The following HPSE2 variants were observed in gnomAD, a reference collection of about 807,000 sequenced individuals.
HPSE2 encodes heparanase 2 (inactive), also known as inactive heparanase-2.
In HPSE2, 38 loss-of-function variants were observed where a neutral mutation model predicts 60.5. The observed-to-expected ratio is 0.63, with a 90% confidence interval of 0.48 to 0.82. The LOEUF is 0.82. Among genes scored for constraint, HPSE2 ranks in the 40% least tolerant of loss-of-function variants. The pLI is 0.00. For synonymous variants in HPSE2, 295 were observed against 293.2 expected, an observed-to-expected ratio of 1.01 and a Z score of -0.06; for missense variants, 713 against 740.4, an observed-to-expected ratio of 0.96 and a Z score of 0.43.
At chr10:98,540,722 A>T (rs551632244) in intron 9 of HPSE2, among the ~76,000 whole-genome samples, 1 of 152,316 alleles carries the variant, frequency 6.6e-6, no homozygotes, top group African/African-American at 2.4e-5. Flanking sequence ...GAGAAGGTTA[A>T]ACAGCAAGAA....
chr10:98,643,300 A>G (rs1426014474), intron 6 of HPSE2, among the ~76,000 whole-genome samples: 1 of 152,216 alleles, frequency 6.6e-6, no homozygotes, highest in Non-Finnish European at 1.5e-5. Flanking sequence ...AGAATTAATG[A>G]GCTAACAGAT....
intron 2 of HPSE2, among the ~76,000 whole-genome samples, chr10:99,149,944 GTTC>G (rs1464764800): frequency 9.3e-5 from 14 of 151,126 alleles, no homozygotes; most frequent in Non-Finnish European, 1.9e-4. Context: ...CCCCCTGCTA[GTTC>G]TTCCCTCTTA....
intron 3 of HPSE2, among the ~76,000 whole-genome samples, chr10:99,080,211 A>T (rs988575031): frequency 8.5e-5 from 13 of 152,072 alleles, no homozygotes; most frequent in East Asian, 3.8e-4. Context: ...TGTCTTATTT[A>T]AAAAAATTCT....
chr10:99,227,288 A>G (rs1024953388), intron 2 of HPSE2, among the ~76,000 whole-genome samples: 11 of 152,248 alleles, frequency 7.2e-5, no homozygotes, highest in Non-Finnish European at 1.5e-4. Flanking sequence ...AAGATAAAAG[A>G]TATTTGAAAG....
At chr10:99,165,135 G>A (rs1029167524) in intron 2 of HPSE2, among the ~76,000 whole-genome samples, 5 of 147,434 alleles carry the variant, frequency 3.4e-5, no homozygotes, top group African/African-American at 1.0e-4. Flanking sequence ...CATTTTATCC[G>A]TAATTTCTTT....
chr10:98,799,997 G>C, intron 3 of HPSE2, among the ~76,000 whole-genome samples: 1 of 151,872 alleles, frequency 6.6e-6, no homozygotes, highest in Non-Finnish European at 1.5e-5. Flanking sequence ...ACAAAAAGTT[G>C]TTTTTTTGAA....
the HPSE2 span, among the ~76,000 whole-genome samples, chr10:99,280,253 A>T: frequency 1.3e-3 from 191 of 152,354 alleles, 2 homozygotes; most frequent in Non-Finnish European, 2.3e-3. Context: ...TTAGAGGGTC[A>T]GTGAATGAAC....
chr10:99,254,068 C>A, the HPSE2 span, among the ~76,000 whole-genome samples: 1 of 152,170 alleles, frequency 6.6e-6, no homozygotes, highest in Non-Finnish European at 1.5e-5. Context: ...ACTGGGTATA[C>A]ATCCAGAGAA....
intron 9 of HPSE2, among the ~76,000 whole-genome samples, chr10:98,608,460 G>A (rs1177224394): frequency 2.6e-5 from 4 of 152,192 alleles, no homozygotes; most frequent in Non-Finnish European, 5.9e-5. Flanking sequence ...AAAATCAGAG[G>A]AACGTCTACG....
At chr10:98,840,609 C>CA (rs1388394176) in intron 3 of HPSE2, among the ~76,000 whole-genome samples, 1 of 151,894 alleles carries the variant, frequency 6.6e-6, no homozygotes, top group Admixed American at 6.6e-5. Context: ...TGGGAAGAGA[C>CA]AAAAAATGAG....
intron 7 of HPSE2, among the ~76,000 whole-genome samples, chr10:98,636,321 C>T (rs1408143874): frequency 6.6e-6 from 1 of 151,526 alleles, no homozygotes; most frequent in African/African-American, 2.4e-5. Context: ...CTCACTGCAA[C>T]CTCCGCCTCC....
chr10:99,276,148 C>A, the HPSE2 span, among the ~76,000 whole-genome samples: 1 of 152,096 alleles, frequency 6.6e-6, no homozygotes, highest in Non-Finnish European at 1.5e-5. Context: ...ATGAATAAAA[C>A]TAATTTTTGA....
intron 9 of HPSE2, among the ~76,000 whole-genome samples, chr10:98,501,734 T>C (rs1228644872): frequency 2.6e-5 from 4 of 152,146 alleles, no homozygotes; most frequent in African/African-American, 7.2e-5. Context: ...GGCATCCAAA[T>C]TGGTAAACAG....
intron 2 of HPSE2, among the ~76,000 whole-genome samples, chr10:99,191,912 A>G (rs1034434576): frequency 5.3e-5 from 8 of 152,212 alleles, no homozygotes; most frequent in African/African-American, 1.7e-4. Context: ...ATCCTATTAG[A>G]TAAATTTAAC....
chr10:98,922,451 G>A (rs118023938), intron 3 of HPSE2, among the ~76,000 whole-genome samples: 2,327 of 152,300 alleles, frequency 0.015, 25 homozygotes, highest in Middle Eastern at 0.058. Flanking sequence ...GAAGATACGA[G>A]GGAGAACTCA....
chr10:98,629,582 C>T lies in HPSE2; in HGVS notation c.1099-8874G>A, dbSNP rs201416056. The stretch of plus-strand genomic sequence containing the variant: ...TCTGTCCTCTTCTTCCTCACTGCCC[C>T]TCCCTGAGTTCTGGATCTTGTCATT... On this transcript the variant is annotated intron_variant, in intron 7 of 11. Coordinates refer to ENST00000370552, the MANE Select transcript of HPSE2 (RefSeq NM_021828.5). Among the ~76,000 whole-genome samples, 8 of 152,326 alleles carry T rather than the reference C, an allele frequency of 5.3e-5. No individual in the cohort carries two copies. In the East Asian group the frequency reaches 1.4e-3, roughly 26 times the overall value.
At chr10:98,846,686 C>T (rs1048028142) in intron 3 of HPSE2, among the ~76,000 whole-genome samples, 2 of 152,304 alleles carry the variant, frequency 1.3e-5, no homozygotes, top group South Asian at 2.1e-4. Context: ...TAAACAAATG[C>T]TTCTTTTAAA....
chr10:99,204,063 A>T (rs1354430207), intron 2 of HPSE2, among the ~76,000 whole-genome samples: 1 of 152,174 alleles, frequency 6.6e-6, no homozygotes, highest in Non-Finnish European at 1.5e-5. Flanking sequence ...TCCAGGAGCC[A>T]GGTACATCCC....
intron 4 of HPSE2, among the ~76,000 whole-genome samples, chr10:98,741,001 G>A (rs1167413926): frequency 6.6e-6 from 1 of 152,022 alleles, no homozygotes; most frequent in Non-Finnish European, 1.5e-5. Flanking sequence ...ATGAATTAGA[G>A]AAACAGCAAA....
Sources: allele counts gnomAD v4.1 joint callset (sites outside exome capture counted in the v4.1 genomes callset), GRCh38; gene constraint gnomAD v4.1.1; transcripts MANE v1.5; gene names NCBI Gene and HGNC (gene_info 2026-07-23, HGNC 2026-07-21).